LDAF1: variants seen among roughly 807,000 people sequenced by gnomAD.
The protein encoded by LDAF1 is lipid droplet assembly factor 1.
A neutral mutation model predicts 13.5 loss-of-function variants in LDAF1; 7 were observed. The ratio of observed to expected loss-of-function variants is 0.52; its 90% CI spans 0.29 to 0.97. The LOEUF (loss-of-function observed/expected upper bound fraction) is 0.97, where lower values mean the gene tolerates loss of function less well. Among genes scored for constraint, LDAF1 ranks in the 50% least tolerant of loss-of-function variants. LDAF1 has a pLI of 0.07. For synonymous variants in LDAF1, 69 were observed against 77.1 expected (o/e 0.89, Z 0.55); for missense variants, 148 against 193.2 (o/e 0.77, Z 1.39).
At chr16:21,158,961 C>T (rs926577112) in intron 1 of LDAF1, among the ~76,000 whole-genome samples, 5 of 151,988 alleles carry the variant, frequency 3.3e-5, no homozygotes, top group South Asian at 4.2e-4. Context: ...AGACACGATT[C>T]CTCCCCACCC....
rs1288726947 is a variant in LDAF1 at position 21,179,794 on chromosome 16, C to A, written c.*238C>A. The A allele has an allele frequency of 8.6e-6, 4 of 462,828 alleles. No individual in the cohort carries two copies. Among genetic ancestry groups the A allele is most frequent in the Admixed American group, 7.3e-5 (2 of 27,384 alleles). The allele number at this position is 462,828 out of a possible 1,614,324, so 28.7% of individuals were successfully genotyped here. A position where few individuals can be genotyped will look rare whatever the true frequency, so the allele number is the denominator to read the frequency against. On this transcript the variant is annotated 3_prime_UTR_variant, in exon 5 of 5. Transcript: ENST00000233047. ...GATGGTTCAACAGCTCGCCCTGCCC[C>A]AAGTATGCAGACTTGACCTTGGCGG...
At chr16:21,169,178 A>C in intron 2 of LDAF1, 1 of 984,798 alleles carries the variant, frequency 1.0e-6, no homozygotes, top group Non-Finnish European at 1.2e-6. Flanking sequence ...TGCAACTTGG[A>C]GGCTGTGCGA....
chr16:21,160,933 T>C, intron 1 of LDAF1, 152 bp from the exon 2 acceptor site: 1 of 872,564 alleles, frequency 1.1e-6, no homozygotes, highest in Non-Finnish European at 1.5e-6. Flanking sequence ...TATAAATTCC[T>C]GGATTGAAGT....
Position 21,174,095 on chromosome 16 carries a change from G to GAT in LDAF1, c.353_354dup (p.Ala119Ter). ...TATCACTCGCCATGTCGGGGATGAT[G>GAT]ATAGCATCTTATGTAGTGGTCTCCA... On this transcript the variant is annotated frameshift_variant, in exon 4 of 5. Coordinates refer to ENST00000233047, the MANE Select transcript of LDAF1 (RefSeq NM_001301771.2). LOFTEE classifies it high-confidence loss of function. The GAT allele has an allele frequency of 6.2e-7, 1 of 1,614,052 alleles. No individual in the cohort carries two copies. The highest frequency in any genetic ancestry group is 1.1e-5 in the South Asian group (1 of 91,076).
intron 3 of LDAF1, chr16:21,172,852 C>T (rs2093102704): frequency 1.0e-6 from 1 of 985,216 alleles, no homozygotes; most frequent in African/African-American, 1.7e-5. Context: ...TCTCTTCCTT[C>T]CAGCCTTTTC....
At chr16:21,169,699 A>G (rs1359381835) in intron 2 of LDAF1, among the ~76,000 whole-genome samples, 1 of 152,204 alleles carries the variant, frequency 6.6e-6, no homozygotes, top group Admixed American at 6.5e-5. Flanking sequence ...CCTCAGCTGT[A>G]AAGTAGGAGG....
rs1161851252 is a variant in LDAF1, at chr16:21,179,557, GT to G, written c.*2del. The G allele has an allele frequency of 6.2e-7, 1 of 1,613,594 alleles. No individual in the cohort carries two copies. On this transcript the variant is annotated 3_prime_UTR_variant, in exon 5 of 5. Coordinates refer to ENST00000233047, the MANE Select transcript of LDAF1 (RefSeq NM_001301771.2). ...ATTCGAGGGGCTTTACCAGGAATGA[GT>G]GACTGCTCAGAGGCCGGGCTTCTTT...
chr16:21,163,026 T>C (rs74012120), intron 2 of LDAF1, among the ~76,000 whole-genome samples: 1 of 152,194 alleles, frequency 6.6e-6, no homozygotes, highest in Non-Finnish European at 1.5e-5. Flanking sequence ...TGTTGATCAT[T>C]AACGTTGAAC....
intron 4 of LDAF1, chr16:21,178,432 G>GA (rs1184072463): frequency 1.2e-4 from 117 of 975,626 alleles, no homozygotes; most frequent in Non-Finnish European, 1.4e-4. Context: ...GGCAAATAAT[G>GA]AAAAAAACCA....
chr16:21,172,245 C>T (rs930823233), intron 3 of LDAF1, among the ~76,000 whole-genome samples: 3 of 150,708 alleles, frequency 2.0e-5, no homozygotes, highest in Admixed American at 6.6e-5. Context: ...CAGGAGTTCG[C>T]GACCAGCCTG....
chr16:21,165,986 A>G (rs1413484364), intron 2 of LDAF1, among the ~76,000 whole-genome samples: 1 of 151,892 alleles, frequency 6.6e-6, no homozygotes, highest in Non-Finnish European at 1.5e-5. Flanking sequence ...CAGCCTCCCA[A>G]GTAGCTAGGA....
At chr16:21,159,903 C>G in intron 1 of LDAF1, 1 of 985,214 alleles carries the variant, frequency 1.0e-6, no homozygotes, top group Non-Finnish European at 1.2e-6. Context: ...GGGAACATCC[C>G]AAGTTCAAGA....
chr16:21,176,142 G>A (rs576498698), intron 4 of LDAF1, among the ~76,000 whole-genome samples: 110 of 152,316 alleles, frequency 7.2e-4, no homozygotes, highest in African/African-American at 2.4e-3. Flanking sequence ...GAACGCTGCT[G>A]TAACAGGGTG....
intron 2 of LDAF1, 168 bp from the exon 3 acceptor site, chr16:21,170,269 T>C: frequency 1.0e-6 from 1 of 984,054 alleles, no homozygotes; most frequent in Non-Finnish European, 1.2e-6. Context: ...TCCCAAAGTG[T>C]TGGGATTACA....
intron 2 of LDAF1, among the ~76,000 whole-genome samples, chr16:21,163,615 A>G (rs2092997178): frequency 6.6e-6 from 1 of 152,224 alleles, no homozygotes; most frequent in African/African-American, 2.4e-5. Context: ...ACTGTACTCC[A>G]GCCTGGGTGA....
At chr16:21,170,872 T>G (rs1292565356) in intron 3 of LDAF1, among the ~76,000 whole-genome samples, 2 of 152,204 alleles carry the variant, frequency 1.3e-5, no homozygotes. Context: ...ACATAGACTC[T>G]GGAGCCTGCA....
intron 2 of LDAF1, chr16:21,170,203 A>G (rs2093072950): frequency 3.9e-6 from 2 of 511,936 alleles, no homozygotes; most frequent in Non-Finnish European, 5.0e-6. Context: ...GGGTTTCATC[A>G]TGTTGGTCAG....
chr16:21,172,820 C>G (rs1314344319), intron 3 of LDAF1: 1 of 985,240 alleles, frequency 1.0e-6, no homozygotes, highest in African/African-American at 1.7e-5. Context: ...TCTTTATGAA[C>G]AGGCAGCACA....
At chr16:21,166,348 AACTT>A (rs1243584516) in intron 2 of LDAF1, among the ~76,000 whole-genome samples, 2 of 152,206 alleles carry the variant, frequency 1.3e-5, no homozygotes, top group Admixed American at 1.3e-4. Flanking sequence ...GATTTTATAA[AACTT>A]ACAATTCAGC....
Sources: allele counts gnomAD v4.1 joint callset (sites outside exome capture counted in the v4.1 genomes callset), GRCh38; gene constraint gnomAD v4.1.1; transcripts MANE v1.5; gene names NCBI Gene and HGNC (gene_info 2026-07-23, HGNC 2026-07-21).